CACNA1I: variants seen among roughly 807,000 people sequenced by gnomAD.
CACNA1I encodes calcium voltage-gated channel subunit alpha1 I, also known as voltage-dependent T-type calcium channel subunit alpha-1I.
A neutral mutation model predicts 201.6 loss-of-function variants in CACNA1I; 74 were observed. The ratio of observed to expected loss-of-function variants is 0.37; its 90% confidence interval spans 0.30 to 0.45. The LOEUF (loss-of-function observed/expected upper bound fraction) is 0.45. CACNA1I is among the 20% of genes least tolerant of loss of function. CACNA1I has a pLI of 1.00. For synonymous variants in CACNA1I, 1,431 were observed against 1,345.2 expected (o/e 1.06, Z -1.40); for missense variants, 2,346 against 3,138.1 (o/e 0.75, Z 6.03).
At chr22:39,632,316 A>G (rs779415270) in intron 4 of CACNA1I, among the ~76,000 whole-genome samples, 5 of 152,040 alleles carry the variant, frequency 3.3e-5, no homozygotes, top group Admixed American at 2.6e-4. Flanking sequence ...CTCAGAGCTG[A>G]TCGAGGGTTC....
At chr22:39,573,402 C>G (rs1932246717) in intron 1 of CACNA1I, among the ~76,000 whole-genome samples, 1 of 152,098 alleles carries the variant, frequency 6.6e-6, no homozygotes, top group African/African-American at 2.4e-5. Flanking sequence ...AGCTGCGTCT[C>G]TGATGGGCTC....
chr22:39,619,046 G>A (rs1231549784), intron 3 of CACNA1I, among the ~76,000 whole-genome samples: 2 of 152,156 alleles, frequency 1.3e-5, no homozygotes, highest in Non-Finnish European at 2.9e-5. Flanking sequence ...ACAGCGCTGG[G>A]CACACAGTGG....
chr22:39,646,474 T>C (rs1007193654), intron 7 of CACNA1I, 95 bp from the exon 8 acceptor site: 53 of 1,459,478 alleles, frequency 3.6e-5, no homozygotes, highest in Middle Eastern at 2.0e-4. Flanking sequence ...TCCCCATGTC[T>C]CCCTGCTGTC....
intron 1 of CACNA1I, among the ~76,000 whole-genome samples, chr22:39,579,760 C>T (rs1411489883): frequency 6.6e-6 from 1 of 152,114 alleles, no homozygotes; most frequent in African/African-American, 2.4e-5. Context: ...GATTCTCCTG[C>T]CTCAGCCTCC....
chr22:39,635,902 G>C (rs956105338), intron 5 of CACNA1I, among the ~76,000 whole-genome samples: 3 of 152,046 alleles, frequency 2.0e-5, no homozygotes, highest in Admixed American at 2.0e-4. Flanking sequence ...CCCCAAGCTC[G>C]CCATCACACA....
At chr22:39,587,178 G>T (rs1187088552) in intron 1 of CACNA1I, among the ~76,000 whole-genome samples, 1 of 152,146 alleles carries the variant, frequency 6.6e-6, no homozygotes. Flanking sequence ...CTAGGTATTT[G>T]GGAATCAGAG....
chr22:39,644,258 C>T (rs373859791), intron 7 of CACNA1I, among the ~76,000 whole-genome samples: 1 of 152,140 alleles, frequency 6.6e-6, no homozygotes, highest in East Asian at 1.9e-4. Context: ...CATCTGCTCT[C>T]GCTGTGGGGT....
intron 3 of CACNA1I, among the ~76,000 whole-genome samples, chr22:39,607,896 G>A (rs1933264633): frequency 2.5e-5 from 1 of 39,658 alleles, no homozygotes; most frequent in South Asian, 7.1e-4. Flanking sequence ...GTGCCAAGGC[G>A]GGGGGGGGTC....
intron 26 of CACNA1I, among the ~76,000 whole-genome samples, chr22:39,671,408 G>A (rs999136555): frequency 6.6e-6 from 1 of 152,184 alleles, no homozygotes; most frequent in African/African-American, 2.4e-5. Flanking sequence ...GTGGAACCAG[G>A]TCTGGAACTT....
Position 39,606,258 on chromosome 22 carries a change from C to T in CACNA1I, c.482+5605C>T, listed in dbSNP as rs866337069. ...GGGGAGTGGCCATGCTCCCTTTTGC[C>T]GTCAGGTCATGTTCACTCTCCAAAC... On this transcript the variant is annotated intron_variant, in intron 3 of 36. Coordinates refer to ENST00000402142, the MANE Select transcript of CACNA1I (RefSeq NM_021096.4). Among the ~76,000 whole-genome samples, 65 of 152,112 alleles carry T rather than the reference C, an allele frequency of 4.3e-4. 1 individual carries two copies. The highest frequency in any genetic ancestry group is 3.6e-3 in the Admixed American group (55 of 15,268).
intron 35 of CACNA1I, among the ~76,000 whole-genome samples, chr22:39,682,975 C>G (rs1287107638): frequency 6.6e-6 from 1 of 152,088 alleles, no homozygotes; most frequent in African/African-American, 2.4e-5. Context: ...CGGCTCTCAT[C>G]AAGCAGAAGG....
chr22:39,616,439 C>T (rs532344070), intron 3 of CACNA1I, among the ~76,000 whole-genome samples: 1 of 152,246 alleles, frequency 6.6e-6, no homozygotes, highest in South Asian at 2.1e-4. Flanking sequence ...TCCTGCCACC[C>T]CTTGTTGTAG....
At chr22:39,625,097 G>A (rs1385593818) in intron 4 of CACNA1I, among the ~76,000 whole-genome samples, 19 of 151,880 alleles carry the variant, frequency 1.3e-4, no homozygotes, top group African/African-American at 4.4e-4. Context: ...TAGTAGAGAC[G>A]GGGTTTCACT....
In CACNA1I at chr22:39,664,720, G is replaced by T; in HGVS notation, c.3667-19G>T. On this transcript the variant is annotated intron_variant, in intron 20 of 36. Transcript: ENST00000402142. The stretch of plus-strand genomic sequence containing the variant: ...GCCCCTCCCGCGGCAGCCTGACCCC[G>T]GCCCCACCCCCGCCCCAGGTAGTCT... The T allele has an allele frequency of 4.5e-6, 2 of 447,280 alleles. No individual in the cohort carries two copies. The allele number at this position is 447,280 out of a possible 1,614,324, so 27.7% of individuals were successfully genotyped here.
intron 5 of CACNA1I, among the ~76,000 whole-genome samples, chr22:39,637,244 A>G (rs1181651698): frequency 6.6e-6 from 1 of 152,216 alleles, no homozygotes; most frequent in Admixed American, 6.5e-5. Flanking sequence ...CTGGAAGCCC[A>G]GAGCGGGTAC....
At chr22:39,596,197 G>A (rs185209598) in intron 1 of CACNA1I, among the ~76,000 whole-genome samples, 4 of 9,518 alleles carry the variant, frequency 4.2e-4, no homozygotes, top group Admixed American at 9.1e-4. Context: ...GAGATGGGGG[G>A]GCAGGGCGGA....
chr22:39,684,742 G>C lies in CACNA1I; in HGVS notation c.6027+244G>C. 1.7e-6 allele frequency: 1 copy of C among 600,532 alleles called. No individual in the cohort carries two copies. The highest frequency in any genetic ancestry group is 3.0e-6 in the Non-Finnish European group (1 of 337,638). The allele number at this position is 600,532 out of a possible 1,614,324, so 37.2% of individuals were successfully genotyped here. A position where few individuals can be genotyped will look rare whatever the true frequency, so the allele number is the denominator to read the frequency against. On this transcript the variant is annotated intron_variant, in intron 36 of 36. Coordinates refer to ENST00000402142, the MANE Select transcript of CACNA1I (RefSeq NM_021096.4). This position sits in a 1 kb window ranked among gnomAD's most constrained non-coding sequence, Gnocchi z 4.6. ...CAGAGTGTGGGGAGGACCCCAAGGC[G>C]GGTCTGGAAGAGGCCTGTGATCCCT... is the stretch of plus-strand genomic sequence containing the variant.
intron 1 of CACNA1I, among the ~76,000 whole-genome samples, chr22:39,581,453 G>A (rs1382916204): frequency 2.6e-5 from 4 of 152,170 alleles, no homozygotes; most frequent in East Asian, 1.9e-4. Flanking sequence ...GCTGGGTGCC[G>A]TTCCTGCTCC....
chr22:39,573,904 G>T (rs1932262871), intron 1 of CACNA1I, among the ~76,000 whole-genome samples: 1 of 152,160 alleles, frequency 6.6e-6, no homozygotes, highest in Admixed American at 6.5e-5. Flanking sequence ...GGGTGGGGCA[G>T]AAAGCAGCCC....
Sources: gnomAD v4.1 joint callset for allele counts (sites outside exome capture counted in the v4.1 genomes callset) on GRCh38, gnomAD v4.1.1 for gene constraint, Gnocchi (gnomAD v3.1) non-coding constraint, MANE v1.5 for transcripts, NCBI Gene and HGNC (gene_info 2026-07-23, HGNC 2026-07-21) for gene names.